Variants in DIAPH3 observed in about 807,000 individuals in gnomAD.
DIAPH3 encodes the protein diaphanous related formin 3, also known as protein diaphanous homolog 3.
In DIAPH3, 117 loss-of-function variants were observed where a neutral mutation model predicts 144.3. The ratio of observed to expected loss-of-function variants is 0.81; its 90% CI spans 0.70 to 0.95. The LOEUF (loss-of-function observed/expected upper bound fraction) is 0.95. DIAPH3 is among the 40% of genes least tolerant of loss of function. The pLI, the probability that DIAPH3 is intolerant of heterozygous loss-of-function variation, is 0.00. For missense variants in DIAPH3, 1,421 were observed against 1,412.7 expected (o/e 1.01, Z -0.09); for synonymous variants, 519 against 488.9 (o/e 1.06, Z -0.81).
At position 60,137,742 on chromosome 13, in the gene DIAPH3, C is replaced by CTT. The variant is rs35703399; in HGVS notation, c.181-4755_181-4754dup. 5.4e-3 allele frequency among the ~76,000 whole-genome samples: 683 copies of CTT among 125,696 alleles called. 9 individuals are homozygous for CTT. Among genetic ancestry groups the CTT allele is most frequent in the African/African-American group, 0.017 (574 of 33,492 alleles). The allele number at this position is 125,696 out of a possible 152,430, so 82.5% of individuals were successfully genotyped here. Reference sequence around the variant, plus strand: ...CACAGTTTAATTCCATTAAAATTGACTTTTTTTTTTTTTTTTTTTTAGACA... The same window carrying CTT: ...CACAGTTTAATTCCATTAAAATTGACTTTTTTTTTTTTTTTTTTTTTTAGACA... On this transcript the variant is annotated intron_variant, in intron 1 of 27. Transcript: ENST00000400324.
chr13:59,848,463 C>A (rs1451957777), intron 22 of DIAPH3, among the ~76,000 whole-genome samples: 2 of 151,252 alleles, frequency 1.3e-5, no homozygotes, highest in Non-Finnish European at 3.0e-5. Context: ...CTATCCCTCC[C>A]CGCTCCCCCC....
intron 17 of DIAPH3, among the ~76,000 whole-genome samples, chr13:59,939,688 A>C (rs938238288): frequency 6.6e-6 from 1 of 152,182 alleles, no homozygotes; most frequent in African/African-American, 2.4e-5. Context: ...TTCAGACAAA[A>C]GCCAAGTTAA....
intron 25 of DIAPH3, among the ~76,000 whole-genome samples, chr13:59,785,849 A>C (rs2039005190): frequency 6.6e-6 from 1 of 152,196 alleles, no homozygotes; most frequent in Non-Finnish European, 1.5e-5. Flanking sequence ...TATGTTGATA[A>C]CCACTCTTCC....
intron 27 of DIAPH3, among the ~76,000 whole-genome samples, chr13:59,701,421 C>G (rs114114932): frequency 1.2e-3 from 176 of 152,298 alleles, no homozygotes; most frequent in African/African-American, 4.1e-3. Flanking sequence ...GATCACATTG[C>G]TGCAAAAATG....
intron 5 of DIAPH3, among the ~76,000 whole-genome samples, chr13:60,017,795 AG>A (rs1362455817): frequency 2.0e-5 from 3 of 152,362 alleles, no homozygotes; most frequent in African/African-American, 7.2e-5. Flanking sequence ...CTCTTGTAAA[AG>A]ACTGAAGATT....
intron 12 of DIAPH3, among the ~76,000 whole-genome samples, chr13:59,989,318 G>A (rs1566620778): frequency 6.6e-6 from 1 of 151,640 alleles, no homozygotes; most frequent in African/African-American, 2.4e-5. Context: ...AAAAATATAT[G>A]TAAATTATCA....
rs750910701 is a variant in DIAPH3, at chr13:59,924,840, T to C, written c.2105A>G (p.Lys702Arg). ...ERREEEDIEEKKSIKKKIKEL... is the reference protein window; with the variant it reads ...ERREEEDIEERKSIKKKIKEL... ...TTTAATTTTTTTCTTAATCGATTTC[T>C]TCTCTTCAATATCTTCCTCTTCTCT... is the stretch of plus-strand genomic sequence containing the variant. The change falls in exon 18 of 28, where the codon AAG becomes AGG. Residue 702 changes from lysine (K) to arginine (R), a missense_variant. Coordinates refer to ENST00000400324, the MANE Select transcript of DIAPH3 (RefSeq NM_001042517.2). The C allele has an allele frequency of 6.2e-7, 1 of 1,601,408 alleles. No individual in the cohort carries two copies. The highest frequency in any genetic ancestry group is 8.5e-7 in the Non-Finnish European group (1 of 1,171,396).
intron 21 of DIAPH3, among the ~76,000 whole-genome samples, chr13:59,870,704 CT>C (rs1192566653): frequency 4.2e-5 from 6 of 141,320 alleles, no homozygotes; most frequent in Non-Finnish European, 7.6e-5. Flanking sequence ...GAGTTTCACT[CT>C]TGTTGCTTAG....
chr13:59,822,165 T>C (rs1226774006), intron 24 of DIAPH3, among the ~76,000 whole-genome samples: 1 of 152,170 alleles, frequency 6.6e-6, no homozygotes, highest in Non-Finnish European at 1.5e-5. Context: ...AAGATGTTTG[T>C]AATAAAGTTT....
intron 17 of DIAPH3, among the ~76,000 whole-genome samples, chr13:59,938,959 T>C (rs547705816): frequency 8.5e-5 from 13 of 152,302 alleles, no homozygotes; most frequent in East Asian, 7.7e-4. Flanking sequence ...AATTTTGTTA[T>C]GTATTCTTAA....
At chr13:59,708,067 T>G (rs1184656591) in intron 27 of DIAPH3, among the ~76,000 whole-genome samples, 2 of 152,068 alleles carry the variant, frequency 1.3e-5, no homozygotes, top group African/African-American at 4.8e-5. Flanking sequence ...TCCTTTCATT[T>G]TATTATTTTT....
At chr13:60,107,465 C>T (rs190086433) in intron 3 of DIAPH3, among the ~76,000 whole-genome samples, 1 of 152,030 alleles carries the variant, frequency 6.6e-6, no homozygotes, top group African/African-American at 2.4e-5. Context: ...TTAAAAAAAA[C>T]ACTGCAGGAC....
chr13:59,676,791 A>C (rs1329124325), intron 27 of DIAPH3, among the ~76,000 whole-genome samples: 1 of 152,198 alleles, frequency 6.6e-6, no homozygotes, highest in Admixed American at 6.5e-5. Context: ...TTTGATATGC[A>C]TTTAATAAGA....
intron 14 of DIAPH3, among the ~76,000 whole-genome samples, chr13:59,978,755 C>T (rs1464055215): frequency 6.6e-6 from 1 of 151,524 alleles, no homozygotes; most frequent in Non-Finnish European, 1.5e-5. Context: ...GATATGATAG[C>T]CTTCTCCAAA....
chr13:60,062,346 C>G (rs528030523), intron 4 of DIAPH3, among the ~76,000 whole-genome samples: 12 of 152,150 alleles, frequency 7.9e-5, no homozygotes, highest in African/African-American at 2.9e-4. Context: ...GTTAAAAATA[C>G]AAAAATGAAC....
At chr13:60,109,271 A>G (rs1183526816) in intron 3 of DIAPH3, among the ~76,000 whole-genome samples, 2 of 152,132 alleles carry the variant, frequency 1.3e-5, no homozygotes, top group Non-Finnish European at 2.9e-5. Flanking sequence ...CAAGCCGACC[A>G]GGATTTCTCA....
intron 4 of DIAPH3, among the ~76,000 whole-genome samples, chr13:60,060,068 CT>C (rs972574183): frequency 1.6e-4 from 24 of 151,790 alleles, no homozygotes; most frequent in Admixed American, 6.6e-5. Context: ...GTCTGTCTTC[CT>C]TTTTTTTCTT....
At chr13:59,867,814 T>C (rs2139978842) in intron 21 of DIAPH3, among the ~76,000 whole-genome samples, 1 of 152,280 alleles carries the variant, frequency 6.6e-6, no homozygotes, top group East Asian at 1.9e-4. Context: ...TCAGTTCTTT[T>C]AGTACTGAGA....
intron 22 of DIAPH3, among the ~76,000 whole-genome samples, chr13:59,857,899 T>C (rs373357356): frequency 1.3e-5 from 2 of 152,080 alleles, no homozygotes; most frequent in African/African-American, 4.8e-5. Flanking sequence ...TATAGAGATA[T>C]GACAAATGAG....
Sources: allele counts gnomAD v4.1 joint callset (sites outside exome capture counted in the v4.1 genomes callset), GRCh38; gene constraint gnomAD v4.1.1; transcripts MANE v1.5; gene names NCBI Gene and HGNC (gene_info 2026-07-23, HGNC 2026-07-21).